The following MX2 variants were observed in gnomAD, a reference collection of about 807,000 sequenced individuals.
MX2 encodes interferon-induced GTP-binding protein Mx2.
In MX2, 51 loss-of-function variants were observed where a neutral mutation model predicts 74.0. That is an observed-to-expected ratio of 0.69 (90% CI 0.55 to 0.87). MX2 has a LOEUF of 0.87. Among genes scored for constraint, MX2 ranks in the 40% least tolerant of loss-of-function variants. MX2 has a pLI of 0.00. For missense variants in MX2, 832 were observed against 908.7 expected, an observed-to-expected ratio of 0.92 and a Z score of 1.09; for synonymous variants, 369 against 339.3, an observed-to-expected ratio of 1.09 and a Z score of -0.96.
At chr21:41,367,972 T>A (rs1037704026) in intron 1 of MX2, among the ~76,000 whole-genome samples, 3 of 152,300 alleles carry the variant, frequency 2.0e-5, no homozygotes, top group South Asian at 2.1e-4. Flanking sequence ...TCTTTTCTCC[T>A]CTTCTCTCAC....
intron 1 of MX2, among the ~76,000 whole-genome samples, chr21:41,362,750 CTTTTTTTTTT>C (rs56903696): frequency 3.7e-5 from 3 of 82,158 alleles, no homozygotes; most frequent in Non-Finnish European, 6.9e-5. Context: ...GTTTTTTTTT[CTTTTTTTTTT>C]TTTTTTTTTT....
chr21:41,403,510 A>ACCTG, intron 12 of MX2, 167 bp downstream of exon 12: 2 of 750,512 alleles, frequency 2.7e-6, no homozygotes, highest in Admixed American at 3.7e-5. Context: ...CTCCAGGAGC[A>ACCTG]CCTGCCTGCC....
chr21:41,378,631 T>C (rs1308743964), intron 3 of MX2, among the ~76,000 whole-genome samples: 4 of 152,120 alleles, frequency 2.6e-5, no homozygotes, highest in African/African-American at 9.7e-5. Context: ...CTGTTTAGAG[T>C]GAAGAAGCTG....
rs144712018 is a variant in MX2, at chr21:41,371,869, G to T, written c.-71-4967G>T. On this transcript the variant is annotated intron_variant, in intron 1 of 13. Coordinates refer to ENST00000330714, the MANE Select transcript of MX2 (RefSeq NM_002463.2). ...GGGTGAGCCACATCTTCTGCTTACA[G>T]ATAGAGGCCAAGACCGCACGGCCAA... 1.7e-3 allele frequency among the ~76,000 whole-genome samples: 263 copies of T among 152,294 alleles called. 1 individual carries two copies. Among genetic ancestry groups the T allele is most frequent in the African/African-American group, 5.9e-3 (246 of 41,558 alleles).
Position 41,377,909 on chromosome 21 carries a change from A to T in MX2, c.370A>T (p.Ile124Phe), listed in dbSNP as rs1300552642. 6.2e-7 allele frequency: 1 copy of T among 1,614,080 alleles called. No homozygotes were observed. The highest frequency in any genetic ancestry group is 1.3e-5 in the African/African-American group (1 of 74,938). Residue 124 changes from isoleucine (I) to phenylalanine (F), a missense_variant, in exon 3 of 14, where the codon ATC becomes TTC. Physicochemically the swap from Ile to Phe is conservative, Grantham distance 21. Coordinates refer to ENST00000330714, the MANE Select transcript of MX2 (RefSeq NM_002463.2). ...CCTGGCCCTGCCAGCCATCGCCGTC[A>T]TCGGGGACCAGAGCTCGGGCAAGAG... ...QDLALPAIAV[I>F]GDQSSGKSSV... is the part of the protein sequence containing the mutation.
chr21:41,398,777 G>A (rs2089768437), intron 8 of MX2, 120 bp from the exon 9 acceptor site: 2 of 1,419,202 alleles, frequency 1.4e-6, no homozygotes, highest in Admixed American at 4.5e-5. Flanking sequence ...GGCTGGGGCA[G>A]GTGGGTCAAA....
chr21:41,403,596 C>T (rs776338445), intron 12 of MX2: 9 of 705,188 alleles, frequency 1.3e-5, no homozygotes, highest in Admixed American at 3.5e-5. Flanking sequence ...CTGTTCTGCA[C>T]GACCTTACGC....
chr21:41,384,111 CCT>C (rs1180384816), intron 5 of MX2, among the ~76,000 whole-genome samples: 3 of 152,190 alleles, frequency 2.0e-5, no homozygotes, highest in Non-Finnish European at 4.4e-5. Flanking sequence ...CACATTCCCT[CCT>C]GCCGCCTTGT....
At chr21:41,382,689 A>G (rs1187837085) in intron 5 of MX2, 125 bp downstream of exon 5, 1 of 1,299,326 alleles carries the variant, frequency 7.7e-7, no homozygotes, top group African/African-American at 1.5e-5. Context: ...CTCAGGTAAG[A>G]CCTGCCCAGG....
intron 3 of MX2, among the ~76,000 whole-genome samples, 193 bp downstream of exon 3, chr21:41,378,174 GGAGACAGGCTGCTGGGA>G (rs2089435812): frequency 6.9e-6 from 1 of 145,294 alleles, no homozygotes; most frequent in Non-Finnish European, 1.5e-5. Flanking sequence ...CAGGCCTCTG[GGAGACAGGCTGCTGGGA>G]GAGACACGTT....
rs192206133 is a variant in MX2 at position 41,390,481 on chromosome 21, C to A, written c.733-84C>A. 6.3e-5 allele frequency: 100 copies of A among 1,577,654 alleles called. No homozygotes were observed. The African/African-American group carries it at 1.3e-3, about 21-fold the overall frequency. Reference sequence around the variant, plus strand: ...CTGTGGGACAATGTTGCCTTTGCGCCATCATGCCTGCCTGCCTGGCCGTGC... The same window carrying A: ...CTGTGGGACAATGTTGCCTTTGCGCAATCATGCCTGCCTGCCTGGCCGTGC... On this transcript the variant is annotated intron_variant, in intron 5 of 13. Transcript: ENST00000330714.
chr21:41,369,169 T>G (rs1248385656), intron 1 of MX2, among the ~76,000 whole-genome samples: 1 of 152,220 alleles, frequency 6.6e-6, no homozygotes. Flanking sequence ...CAGGAAGTGC[T>G]TTCAGCCCCC....
chr21:41,404,880 A>G (rs2089864180), intron 12 of MX2: 1 of 150,362 alleles, frequency 6.7e-6, no homozygotes, highest in African/African-American at 2.4e-5. Context: ...ACTCAAAAAA[A>G]AAAAAAAAAA....
intron 5 of MX2, among the ~76,000 whole-genome samples, chr21:41,383,646 C>A (rs2089528355): frequency 6.6e-6 from 1 of 152,172 alleles, no homozygotes; most frequent in South Asian, 2.1e-4. Flanking sequence ...TGTTGACAAC[C>A]CAACCACAAC....
chr21:41,386,219 CAAAA>C (rs59005802), intron 5 of MX2, among the ~76,000 whole-genome samples: 368 of 32,032 alleles, frequency 0.011, 5 homozygotes, highest in African/African-American at 0.033. Context: ...TACTCCATCT[CAAAA>C]AAAAAAAAAA....
intron 10 of MX2, chr21:41,399,613 T>A (rs2089784625): frequency 3.2e-6 from 1 of 308,906 alleles, no homozygotes; most frequent in Admixed American, 4.4e-5. Flanking sequence ...TTGCCTAGGC[T>A]GGAGTGTAGT....
Position 41,403,316 on chromosome 21 carries a change from A to T in MX2, c.1623A>T (p.Glu541Asp), listed in dbSNP as rs2089840484. 1.2e-6 allele frequency: 2 copies of T among 1,613,876 alleles called. No homozygotes were observed. Among genetic ancestry groups the T allele is most frequent in the African/African-American group, 2.7e-5 (2 of 74,952 alleles). The change falls in exon 12 of 14, where the codon GAA (glutamate) becomes GAT (aspartate). Residue 541 changes from glutamate (E) to aspartate (D), a missense_variant. Transcript: ENST00000330714. ...ACGTGGCCAAAAAACATTTTGGCGA[A>T]TTTTTCAACCTTAACCAAACTGTTC... is the stretch of plus-strand genomic sequence containing the variant. The part of the protein sequence containing the change: ...FINVAKKHFG[E>D]FFNLNQTVQS...
chr21:41,376,374 A>G (rs553278143), intron 1 of MX2, among the ~76,000 whole-genome samples: 1 of 152,262 alleles, frequency 6.6e-6, no homozygotes, highest in African/African-American at 2.4e-5. Flanking sequence ...ATCTCTATAA[A>G]AAATACACAC....
chr21:41,372,009 G>A (rs764717064), intron 1 of MX2, among the ~76,000 whole-genome samples: 9 of 152,240 alleles, frequency 5.9e-5, no homozygotes, highest in Non-Finnish European at 1.0e-4. Context: ...GGGTGATTCA[G>A]ACAGTGAAGT....
Sources: gnomAD v4.1 joint callset for allele counts (sites outside exome capture counted in the v4.1 genomes callset) on GRCh38, gnomAD v4.1.1 for gene constraint, MANE v1.5 for transcripts, NCBI Gene and HGNC (gene_info 2026-07-23, HGNC 2026-07-21) for gene names.